Variants in FRMPD4 observed in about 807,000 individuals in gnomAD.
FRMPD4 encodes FERM and PDZ domain-containing protein 4.
Under a neutral mutation model 94.1 loss-of-function variants are expected in FRMPD4, and 22 were observed. That is an observed-to-expected ratio of 0.23 (90% CI 0.17 to 0.33). The LOEUF is 0.33. Among genes scored for constraint, FRMPD4 ranks in the 10% least tolerant of loss-of-function variants. The pLI, the probability that FRMPD4 is intolerant of heterozygous loss-of-function variation, is 1.00. For synonymous variants in FRMPD4, 631 were observed against 548.6 expected (o/e 1.15, Z -2.10); for missense variants, 1,111 against 1,339.9 (o/e 0.83, Z 2.67).
chrX:11,899,637 G>A (rs1413783451), intron 3 of FRMPD4, among the ~76,000 whole-genome samples: 2 of 111,544 alleles, frequency 1.8e-5, no homozygotes, highest in African/African-American at 6.5e-5. Flanking sequence ...GGACTATTAC[G>A]TGAAAAATTT....
chrX:12,262,190 G>C (rs1348721804), intron 1 of FRMPD4, among the ~76,000 whole-genome samples: 1 of 111,993 alleles, frequency 8.9e-6, no homozygotes, highest in Non-Finnish European at 1.9e-5. Flanking sequence ...CTGCTCTTGG[G>C]CTACAGTGGC....
At chrX:12,701,823 C>A (rs956058791) in intron 9 of FRMPD4, 51 bp from the exon 10 acceptor site, 22 of 1,180,571 alleles carry the variant, frequency 1.9e-5, no homozygotes, top group African/African-American at 3.5e-5. Flanking sequence ...TAAGTCCACG[C>A]GCTGCGGCCT....
intron 6 of FRMPD4, among the ~76,000 whole-genome samples, chrX:12,684,166 G>A (rs2059998842): frequency 8.9e-6 from 1 of 111,933 alleles, no homozygotes; most frequent in Admixed American, 9.5e-5. Flanking sequence ...GCAATTAACT[G>A]AACTTCAGAA....
At chrX:12,702,793 T>C (rs182763336) in intron 10 of FRMPD4, among the ~76,000 whole-genome samples, 1 of 112,485 alleles carries the variant, frequency 8.9e-6, no homozygotes, top group East Asian at 2.8e-4. Flanking sequence ...CAAATCCTCA[T>C]ATGCAATTTG....
At position 11,944,120 on chromosome X, in the gene FRMPD4, A is replaced by C. The variant is rs767545087; in HGVS notation, c.95+66102A>C. On this transcript the variant is annotated intron_variant, in intron 3 of 18. Transcript: ENST00000640291. ...AACTTTCTTTACTGACCGCTGGTTT[A>C]TGATCCATCTCCTTTCCAACTTCCA... is the stretch of plus-strand genomic sequence containing the variant. Among the ~76,000 whole-genome samples the C allele has an allele frequency of 3.6e-5, 4 of 112,453 alleles. No homozygotes were observed. The East Asian group carries it at 1.1e-3, about 31-fold the overall frequency.
At chrX:12,419,913 G>A (rs1384572231) in intron 1 of FRMPD4, among the ~76,000 whole-genome samples, 1 of 111,040 alleles carries the variant, frequency 9.0e-6, no homozygotes, top group Non-Finnish European at 1.9e-5. Context: ...TTAACGACCT[G>A]TGGGGCCCTC....
intron 3 of FRMPD4, among the ~76,000 whole-genome samples, chrX:12,097,019 G>A (rs779526585): frequency 1.6e-4 from 18 of 112,242 alleles, no homozygotes; most frequent in Non-Finnish European, 2.6e-4. Flanking sequence ...AAACTCTTTG[G>A]AGTGTGAACA....
At chrX:12,376,571 C>G (rs7876995) in intron 1 of FRMPD4, among the ~76,000 whole-genome samples, 33,673 of 111,589 alleles carry the variant, frequency 0.3, 4,015 homozygotes, top group African/African-American at 0.4. Context: ...TTGACTCCTA[C>G]GATGAGATTT....
intron 1 of FRMPD4, among the ~76,000 whole-genome samples, chrX:12,306,909 T>C (rs2054949962): frequency 8.9e-6 from 1 of 111,974 alleles, no homozygotes; most frequent in Admixed American, 9.4e-5. Flanking sequence ...TGAGTGTAGA[T>C]GGTGGATGTT....
chrX:12,374,125 T>C (rs1414874719), intron 1 of FRMPD4, among the ~76,000 whole-genome samples: 1 of 112,045 alleles, frequency 8.9e-6, no homozygotes, highest in African/African-American at 3.2e-5. Context: ...ATTATTCTAA[T>C]TTAACAATAA....
chrX:12,047,960 T>C (rs1468628274), intron 3 of FRMPD4, among the ~76,000 whole-genome samples: 1 of 112,927 alleles, frequency 8.9e-6, no homozygotes, highest in African/African-American at 3.2e-5. Flanking sequence ...GCAATGAACA[T>C]GTGAGTGCAT....
At chrX:12,207,718 T>C (rs1601698063) in intron 1 of FRMPD4, among the ~76,000 whole-genome samples, 2 of 108,567 alleles carry the variant, frequency 1.8e-5, no homozygotes, top group Admixed American at 9.9e-5. Context: ...AGGTTAGAGC[T>C]CAGGGCTACC....
chrX:11,973,245 AT>A (rs1012709790), intron 3 of FRMPD4, among the ~76,000 whole-genome samples: 1 of 112,621 alleles, frequency 8.9e-6, no homozygotes, highest in African/African-American at 3.2e-5. Context: ...TAAAGAAATC[AT>A]TTTTTATGTT....
chrX:12,342,598 G>C (rs1047034944), intron 1 of FRMPD4, among the ~76,000 whole-genome samples: 2 of 111,800 alleles, frequency 1.8e-5, no homozygotes, highest in Admixed American at 1.9e-4. Flanking sequence ...CCAAGCTAAG[G>C]AAATATTTGG....
chrX:12,437,760 ATC>A (rs2148116791), intron 1 of FRMPD4, among the ~76,000 whole-genome samples: 1 of 112,039 alleles, frequency 8.9e-6, no homozygotes, highest in South Asian at 3.7e-4. Context: ...ATTACACTTG[ATC>A]TCTGAGGTTT....
Position 12,138,861 on chromosome X carries a change from A to G in FRMPD4, c.-111A>G. On this transcript the variant is annotated 5_prime_UTR_variant, in exon 1 of 17. Transcript: ENST00000675598. Reference sequence around the variant, plus strand: ...GCCGCCGCCACCCGCTGTCGCCGCGACTCGAGCCCCGGGCGCACTGAGGTC... The same window carrying G: ...GCCGCCGCCACCCGCTGTCGCCGCGGCTCGAGCCCCGGGCGCACTGAGGTC... 1 of 594,275 alleles carries G rather than the reference A, an allele frequency of 1.7e-6. No homozygotes were observed. Among genetic ancestry groups the G allele is most frequent in the Non-Finnish European group, 2.4e-6 (1 of 415,787 alleles). The allele number at this position is 594,275 out of a possible 1,213,427, so 49.0% of individuals were successfully genotyped here.
chrX:12,057,101 T>C (rs1057068037), intron 3 of FRMPD4, among the ~76,000 whole-genome samples: 1 of 112,064 alleles, frequency 8.9e-6, no homozygotes, highest in Non-Finnish European at 1.9e-5. Context: ...ATAATAAAGA[T>C]AGGCATTTAT....
intron 2 of FRMPD4, among the ~76,000 whole-genome samples, chrX:12,560,915 G>A (rs1400652613): frequency 2.0e-5 from 2 of 97,783 alleles, no homozygotes; most frequent in Non-Finnish European, 2.1e-5. Context: ...GACTACAGGC[G>A]CCCGCCACTA....
intron 1 of FRMPD4, among the ~76,000 whole-genome samples, chrX:12,348,011 T>G (rs1417830212): frequency 8.9e-6 from 1 of 112,080 alleles, no homozygotes; most frequent in Admixed American, 9.5e-5. Flanking sequence ...TTGGACTTGT[T>G]TTTTCCTGCT....
Sources: gnomAD v4.1 joint callset for allele counts (sites outside exome capture counted in the v4.1 genomes callset) on GRCh38, gnomAD v4.1.1 for gene constraint, MANE v1.5 for transcripts, NCBI Gene and HGNC (gene_info 2026-07-23, HGNC 2026-07-21) for gene names.